Variants in TTC17 observed in about 807,000 individuals in gnomAD.
The protein encoded by TTC17 is tetratricopeptide repeat protein 17.
A neutral mutation model predicts 143.8 loss-of-function variants in TTC17; 58 were observed. The observed-to-expected ratio is 0.40, with a 90% confidence interval of 0.33 to 0.50. TTC17 has a LOEUF of 0.50. Among genes scored for constraint, TTC17 ranks in the 20% least tolerant of loss-of-function variants. The pLI is 0.49. For synonymous variants in TTC17, 501 were observed against 497.8 expected (o/e 1.01, Z -0.09); for missense variants, 1,273 against 1,392.5 (o/e 0.91, Z 1.37).
chr11:43,476,827 C>T (rs1007557800), intron 21 of TTC17, among the ~76,000 whole-genome samples: 5 of 151,576 alleles, frequency 3.3e-5, no homozygotes, highest in Admixed American at 1.3e-4. Flanking sequence ...CCCATGGTCT[C>T]AGGGATTAAC....
At chr11:43,368,245 A>G (rs1856425834) in intron 1 of TTC17, among the ~76,000 whole-genome samples, 1 of 152,100 alleles carries the variant, frequency 6.6e-6, no homozygotes, top group African/African-American at 2.4e-5. Context: ...GGCATAAAGT[A>G]CCATTTATAT....
rs547328853 is a variant in TTC17, at chr11:43,400,673, T to C, written c.1219+625T>C. ...TCCTCTCCAAAATTATATGTAGAAT[T>C]GTGTATGTGTCCAATTTTATTTTTC... On this transcript the variant is annotated intron_variant, in intron 9 of 23. Coordinates refer to ENST00000039989, the MANE Select transcript of TTC17 (RefSeq NM_018259.6). Among the ~76,000 whole-genome samples, 138 of 152,316 alleles carry C rather than the reference T, an allele frequency of 9.1e-4. 1 individual carries two copies. The highest frequency in any genetic ancestry group is 3.4e-3 in the Middle Eastern group (1 of 294).
chr11:43,399,159 C>T (rs1857741154), intron 8 of TTC17, among the ~76,000 whole-genome samples: 1 of 152,120 alleles, frequency 6.6e-6, no homozygotes, highest in Non-Finnish European at 1.5e-5. Flanking sequence ...AGTATGAAAG[C>T]AAAGTACTGT....
chr11:43,399,587 CTTGAGCCCAGGAG>C (rs751602846), intron 8 of TTC17, among the ~76,000 whole-genome samples: 3 of 152,102 alleles, frequency 2.0e-5, no homozygotes, highest in Non-Finnish European at 4.4e-5. Context: ...AAGAGGACCC[CTTGAGCCCAGGAG>C]TTGAGCCCAA....
At chr11:43,452,593 A>G (rs561758366) in intron 21 of TTC17, among the ~76,000 whole-genome samples, 1 of 152,260 alleles carries the variant, frequency 6.6e-6, no homozygotes, top group African/African-American at 2.4e-5. Context: ...CACAGCAGGA[A>G]AATATTGTAA....
At chr11:43,454,588 T>G (rs756474008) in intron 21 of TTC17, among the ~76,000 whole-genome samples, 2 of 152,030 alleles carry the variant, frequency 1.3e-5, no homozygotes, top group African/African-American at 2.4e-5. Flanking sequence ...TCGAGAAATA[T>G]CCAAATAAAA....
chr11:43,359,990 C>T (rs1383474242), intron 1 of TTC17, among the ~76,000 whole-genome samples: 2 of 152,184 alleles, frequency 1.3e-5, no homozygotes, highest in African/African-American at 2.4e-5. Context: ...TTACTGACTT[C>T]GAACACTTGA....
intron 22 of TTC17, chr11:43,490,661 C>G (rs1461496089): frequency 5.6e-6 from 1 of 180,094 alleles, no homozygotes; most frequent in Non-Finnish European, 1.2e-5. Flanking sequence ...AGCAAATGCA[C>G]TGGCCTAAGT....
intron 21 of TTC17, among the ~76,000 whole-genome samples, chr11:43,451,758 T>C (rs1233764308): frequency 1.3e-5 from 2 of 152,178 alleles, no homozygotes; most frequent in Non-Finnish European, 2.9e-5. Flanking sequence ...TGTGTGATAT[T>C]TGTGTAAAGA....
intron 21 of TTC17, among the ~76,000 whole-genome samples, chr11:43,477,494 C>G (rs1375676614): frequency 6.6e-6 from 1 of 152,150 alleles, no homozygotes; most frequent in Non-Finnish European, 1.5e-5. Context: ...GGGGAGGCCT[C>G]AGAATCATGG....
At position 43,494,141 on chromosome 11, in the gene TTC17, A is replaced by G. The variant is rs1036618379; in HGVS notation, c.*237A>G. On this transcript the variant is annotated 3_prime_UTR_variant, in exon 24 of 24. Transcript: ENST00000039989. ...CACACATTTCTTAAAAGGAAAGTGC[A>G]GCTTCAAGATATTGTGTAAATACTG... The G allele has an allele frequency of 3.2e-5, 14 of 439,500 alleles. No individual in the cohort carries two copies. Among genetic ancestry groups the G allele is most frequent in the Non-Finnish European group, 4.0e-5 (10 of 251,492 alleles). 27.2% of individuals were successfully genotyped at this position (439,500 alleles called of 1,614,324 possible).
chr11:43,417,298 A>G (rs944191608), intron 16 of TTC17, among the ~76,000 whole-genome samples: 5 of 152,182 alleles, frequency 3.3e-5, no homozygotes, highest in African/African-American at 1.2e-4. Flanking sequence ...TTAAAAAAAA[A>G]GGAAAAACCT....
chr11:43,399,319 GTCA>G (rs1317145868), intron 8 of TTC17, among the ~76,000 whole-genome samples: 3 of 152,108 alleles, frequency 2.0e-5, no homozygotes, highest in Admixed American at 1.3e-4. Context: ...CTTGTATATC[GTCA>G]TGTATTTTTT....
intron 16 of TTC17, among the ~76,000 whole-genome samples, chr11:43,432,726 T>G (rs1054867730): frequency 2.8e-4 from 43 of 152,292 alleles, no homozygotes; most frequent in African/African-American, 1.0e-3. Flanking sequence ...GTTTCTTTCA[T>G]GAGAACATCA....
At chr11:43,469,696 G>A (rs1170827718) in intron 21 of TTC17, among the ~76,000 whole-genome samples, 1 of 152,166 alleles carries the variant, frequency 6.6e-6, no homozygotes. Flanking sequence ...CGTGGGGGAA[G>A]GTATTGACTG....
chr11:43,436,231 A>G (rs1947289707), intron 16 of TTC17: 1 of 1,485,934 alleles, frequency 6.7e-7, no homozygotes, highest in Admixed American at 2.3e-5. Flanking sequence ...ACTCACAGTC[A>G]CTGGATGCTG....
At chr11:43,400,783 G>C (rs1016889274) in intron 9 of TTC17, among the ~76,000 whole-genome samples, 2 of 152,086 alleles carry the variant, frequency 1.3e-5, no homozygotes, top group African/African-American at 4.8e-5. Context: ...TAGGAACTTG[G>C]GTTGGCATGA....
intron 16 of TTC17, among the ~76,000 whole-genome samples, chr11:43,427,033 C>G (rs1947045348): frequency 6.6e-6 from 1 of 152,108 alleles, no homozygotes; most frequent in Admixed American, 6.6e-5. Flanking sequence ...ACTACCTAAA[C>G]CAAGTCTAGT....
intron 16 of TTC17, among the ~76,000 whole-genome samples, chr11:43,424,362 G>A (rs1346951526): frequency 6.6e-6 from 1 of 151,762 alleles, no homozygotes; most frequent in African/African-American, 2.4e-5. Context: ...CCAAAGTGCT[G>A]GGATTATAGG....
Sources: allele counts gnomAD v4.1 joint callset (sites outside exome capture counted in the v4.1 genomes callset), GRCh38; gene constraint gnomAD v4.1.1; transcripts MANE v1.5; gene names NCBI Gene and HGNC (gene_info 2026-07-23, HGNC 2026-07-21).